Variants in CELF2 observed in about 807,000 individuals in gnomAD.
CELF2 encodes CUG triplet repeat RNA-binding protein 2.
CELF2 carries 8 observed loss-of-function variants against 62.6 expected under a neutral mutation model. The ratio of observed to expected loss-of-function variants is 0.13; its 90% CI spans 0.07 to 0.23. The LOEUF (loss-of-function observed/expected upper bound fraction) is 0.23, where lower values mean the gene tolerates loss of function less well. Ranked by LOEUF, CELF2 falls within the 10% of genes least tolerant of loss-of-function variation. The pLI, the probability that CELF2 is intolerant of heterozygous loss-of-function variation, is 1.00. For missense variants in CELF2, 333 were observed against 671.0 expected, an observed-to-expected ratio of 0.50 and a Z score of 5.56; for synonymous variants, 258 against 250.0, an observed-to-expected ratio of 1.03 and a Z score of -0.30.
chr10:10,826,877 G>A (rs1341734496), intron 1 of CELF2, among the ~76,000 whole-genome samples: 1 of 152,206 alleles, frequency 6.6e-6, no homozygotes, highest in African/African-American at 2.4e-5. Flanking sequence ...GGAGTGGCTA[G>A]CCTTTAGAAT....
At chr10:10,852,540 T>C (rs1341755064) in intron 1 of CELF2, among the ~76,000 whole-genome samples, 1 of 152,124 alleles carries the variant, frequency 6.6e-6, no homozygotes, top group African/African-American at 2.4e-5. Flanking sequence ...GGGTGGTAGA[T>C]ACACAATCCT....
chr10:11,298,535 G>T (rs1456932707), intron 9 of CELF2, among the ~76,000 whole-genome samples: 1 of 152,190 alleles, frequency 6.6e-6, no homozygotes, highest in South Asian at 2.1e-4. Flanking sequence ...CCTACAGAAT[G>T]TAACAGAGGA....
At chr10:10,805,081 C>A (rs1305939375) in intron 1 of CELF2, among the ~76,000 whole-genome samples, 1 of 152,158 alleles carries the variant, frequency 6.6e-6, no homozygotes, top group Non-Finnish European at 1.5e-5. Context: ...ACATGCCATG[C>A]CTTATGCTAA....
chr10:11,076,951 A>G (rs1053001884), intron 1 of CELF2, among the ~76,000 whole-genome samples: 5 of 152,212 alleles, frequency 3.3e-5, no homozygotes, highest in Admixed American at 2.6e-4. Flanking sequence ...TAGAGAGGTT[A>G]TGAAAGAAGT....
chr10:11,284,494 T>C (rs1404103194), intron 8 of CELF2, among the ~76,000 whole-genome samples: 4 of 108,716 alleles, frequency 3.7e-5, no homozygotes, highest in African/African-American at 1.1e-4. Flanking sequence ...GGGATGAGTG[T>C]GTGGTGGGGG....
chr10:10,466,642 G>T, the CELF2 span, among the ~76,000 whole-genome samples: 1 of 152,102 alleles, frequency 6.6e-6, no homozygotes, highest in African/African-American at 2.4e-5. Flanking sequence ...TTCCAAAGTG[G>T]CTGTAACATT....
chr10:11,283,583 A>C (rs1335237618), intron 8 of CELF2, among the ~76,000 whole-genome samples: 1 of 137,962 alleles, frequency 7.2e-6, no homozygotes, highest in African/African-American at 2.7e-5. Flanking sequence ...GGGTAGATGG[A>C]TGGGTGACTA....
the CELF2 span, among the ~76,000 whole-genome samples, chr10:10,727,028 G>T: frequency 6.6e-6 from 1 of 152,164 alleles, no homozygotes; most frequent in South Asian, 2.1e-4. Context: ...TCAACAACCA[G>T]ATCTCGTGAG....
chr10:10,651,178 C>CG, the CELF2 span, among the ~76,000 whole-genome samples: 25 of 122,176 alleles, frequency 2.0e-4, no homozygotes, highest in African/African-American at 7.2e-4. Context: ...TAAAAAACGG[C>CG]GCACCACGAG....
chr10:11,081,956 G>C (rs979398332), intron 1 of CELF2, among the ~76,000 whole-genome samples: 4 of 152,168 alleles, frequency 2.6e-5, no homozygotes, highest in African/African-American at 9.7e-5. Flanking sequence ...TTCTGGGCCT[G>C]ATAACACATC....
the CELF2 span, among the ~76,000 whole-genome samples, chr10:10,508,702 G>GTA: frequency 5.5e-3 from 196 of 35,490 alleles, no homozygotes; most frequent in African/African-American, 0.012. Flanking sequence ...GTGTGTGTGT[G>GTA]TGTATATTTT....
chr10:10,677,902 C>T, the CELF2 span, among the ~76,000 whole-genome samples: 1 of 152,156 alleles, frequency 6.6e-6, no homozygotes, highest in Non-Finnish European at 1.5e-5. Context: ...ACAATGGAAT[C>T]AGATGAAGGC....
intron 1 of CELF2, among the ~76,000 whole-genome samples, chr10:11,122,826 G>A (rs1478050865): frequency 6.6e-6 from 1 of 152,168 alleles, no homozygotes; most frequent in Admixed American, 6.5e-5. Context: ...TTATTTTCAA[G>A]TTTGCAATTG....
intron 1 of CELF2, among the ~76,000 whole-genome samples, chr10:10,846,771 C>G (rs1564710183): frequency 6.6e-6 from 1 of 152,196 alleles, no homozygotes; most frequent in Non-Finnish European, 1.5e-5. Context: ...ATCTTGAAAT[C>G]GAGGTCCATT....
chr10:11,137,193 T>C (rs1052334440), intron 1 of CELF2, among the ~76,000 whole-genome samples: 3 of 152,222 alleles, frequency 2.0e-5, no homozygotes, highest in Non-Finnish European at 4.4e-5. Flanking sequence ...TTTTGGATCA[T>C]TTGAAATGTT....
chr10:10,548,229 A>C, the CELF2 span, among the ~76,000 whole-genome samples: 1 of 152,228 alleles, frequency 6.6e-6, no homozygotes. Context: ...GGTCCCTCCC[A>C]GCTCTACCAA....
At chr10:10,677,995 G>A in the CELF2 span, among the ~76,000 whole-genome samples, 2 of 152,126 alleles carry the variant, frequency 1.3e-5, no homozygotes, top group East Asian at 1.9e-4. Flanking sequence ...ACATGACCTA[G>A]TAAGTTACCA....
rs995410477 is a variant in CELF2 at position 10,972,380 on chromosome 10, T to C, written c.89+52381T>C. On this transcript the variant is annotated intron_variant, in intron 2 of 13. Transcript: ENST00000636488. This position sits in a 1 kb window ranked among gnomAD's most constrained non-coding sequence, Gnocchi z 4.4. ...GCTTTAACCTGGAAAACTCATCTTA[T>C]TTAAAACTAGGAATATCCTCTGGGT... is the stretch of plus-strand genomic sequence containing the variant. Among the ~76,000 whole-genome samples the C allele has an allele frequency of 2.0e-5, 3 of 152,206 alleles. No homozygotes were observed. The highest frequency in any genetic ancestry group is 4.4e-5 in the Non-Finnish European group (3 of 68,032).
At chr10:10,899,816 A>T (rs974972524) in intron 1 of CELF2, among the ~76,000 whole-genome samples, 11 of 152,184 alleles carry the variant, frequency 7.2e-5, no homozygotes, top group African/African-American at 2.2e-4. Flanking sequence ...ACCAAATCTC[A>T]CAATAACTCA....
Sources: allele counts gnomAD v4.1 joint callset (sites outside exome capture counted in the v4.1 genomes callset), GRCh38; gene constraint gnomAD v4.1.1; non-coding constraint Gnocchi (gnomAD v3.1); transcripts MANE v1.5; gene names NCBI Gene and HGNC (gene_info 2026-07-23, HGNC 2026-07-21).